Variants in NPAS3 observed in about 807,000 individuals in gnomAD.
The protein encoded by NPAS3 is neuronal PAS domain protein 3.
NPAS3 carries 14 observed loss-of-function variants against 73.1 expected under a neutral mutation model. The ratio of observed to expected loss-of-function variants is 0.19; its 90% CI spans 0.13 to 0.30. NPAS3 has a LOEUF of 0.30. Among genes scored for constraint, NPAS3 ranks in the 10% least tolerant of loss-of-function variants. NPAS3 has a pLI of 1.00. For missense variants in NPAS3, 1,096 were observed against 1,250.0 expected (o/e 0.88, Z 1.86); for synonymous variants, 620 against 541.5 (o/e 1.14, Z -2.01).
intron 3 of NPAS3, among the ~76,000 whole-genome samples, chr14:33,240,773 C>T (rs1455648983): frequency 2.0e-5 from 3 of 151,986 alleles, no homozygotes; most frequent in Non-Finnish European, 2.9e-5. Context: ...TTAAGCACCT[C>T]TTAGGGACTT....
rs138897524 is a variant in NPAS3 at position 33,028,256 on chromosome 14, T to C, written c.51-27649T>C. Among the ~76,000 whole-genome samples, 447 of 152,316 alleles carry C rather than the reference T, an allele frequency of 2.9e-3. 4 individuals are homozygous for C. The highest frequency in any genetic ancestry group is 0.01 in the African/African-American group (422 of 41,580). On this transcript the variant is annotated intron_variant, in intron 1 of 11. Transcript: ENST00000356141. ...AATAACATGTGGATTTGAAAAAACA[T>C]TGAGATCTTTTCTGTATTTCTGCCT...
At chr14:33,755,167 A>G (rs927578434) in intron 7 of NPAS3, among the ~76,000 whole-genome samples, 1 of 152,228 alleles carries the variant, frequency 6.6e-6, no homozygotes. Context: ...TAGAGTTATT[A>G]TGAGGTTAAT....
intron 3 of NPAS3, among the ~76,000 whole-genome samples, chr14:33,300,247 A>G (rs1371112648): frequency 1.3e-5 from 2 of 152,198 alleles, no homozygotes; most frequent in Non-Finnish European, 2.9e-5. Context: ...GAAAGAATTA[A>G]AAATCATGTT....
chr14:33,304,253 A>G (rs373482777), intron 3 of NPAS3, among the ~76,000 whole-genome samples: 1 of 152,324 alleles, frequency 6.6e-6, no homozygotes, highest in South Asian at 2.1e-4. Context: ...GTAATAGTCC[A>G]TGCTTGGTGA....
chr14:33,075,044 T>C (rs966180191), intron 2 of NPAS3, among the ~76,000 whole-genome samples: 9 of 152,230 alleles, frequency 5.9e-5, no homozygotes, highest in African/African-American at 2.2e-4. Flanking sequence ...TTCCATTGTA[T>C]AGAAAGTAGA....
chr14:33,293,028 G>A (rs979246330), intron 3 of NPAS3, among the ~76,000 whole-genome samples: 7 of 152,010 alleles, frequency 4.6e-5, no homozygotes, highest in African/African-American at 7.3e-5. Context: ...TTTTCTTGCC[G>A]CTTGATTCCT....
At chr14:33,186,404 A>T (rs7145270) in intron 2 of NPAS3, among the ~76,000 whole-genome samples, 38,907 of 152,096 alleles carry the variant, frequency 0.26, 5,628 homozygotes, top group South Asian at 0.39. Flanking sequence ...TTTTAAAGTG[A>T]ATCTTTTTGC....
At chr14:33,182,583 T>C (rs2045835363) in intron 2 of NPAS3, among the ~76,000 whole-genome samples, 1 of 152,192 alleles carries the variant, frequency 6.6e-6, no homozygotes, top group African/African-American at 2.4e-5. Context: ...TATAATCACA[T>C]TTATTTTTCT....
chr14:33,675,441 G>GAGTT, intron 5 of NPAS3, among the ~76,000 whole-genome samples: 1 of 152,242 alleles, frequency 6.6e-6, no homozygotes, highest in African/African-American at 2.4e-5. Flanking sequence ...TCTGCCTTTA[G>GAGTT]AGTTAGTTAG....
At chr14:33,667,152 G>C (rs186238486) in intron 5 of NPAS3, among the ~76,000 whole-genome samples, 74 of 152,238 alleles carry the variant, frequency 4.9e-4, no homozygotes, top group Non-Finnish European at 9.7e-4. Flanking sequence ...TTTGTACAAA[G>C]TATTTAAAAC....
At chr14:33,041,853 G>A (rs1006750576) in intron 1 of NPAS3, among the ~76,000 whole-genome samples, 2 of 152,126 alleles carry the variant, frequency 1.3e-5, no homozygotes, top group Non-Finnish European at 2.9e-5. Context: ...GGGAGCAGGT[G>A]GTTAGTTAGG....
At chr14:33,055,773 A>G (rs764263109) in intron 1 of NPAS3, 132 bp from the exon 2 acceptor site, 29 of 565,648 alleles carry the variant, frequency 5.1e-5, no homozygotes, top group Non-Finnish European at 6.9e-5. Flanking sequence ...GTATGTACAC[A>G]TTGCAATTGT....
At chr14:33,026,464 A>G (rs903343375) in intron 1 of NPAS3, among the ~76,000 whole-genome samples, 4 of 151,902 alleles carry the variant, frequency 2.6e-5, no homozygotes, top group African/African-American at 9.7e-5. Flanking sequence ...GTTCATGTGA[A>G]TGGTTTGGGA....
At chr14:33,041,245 T>C (rs2040339175) in intron 1 of NPAS3, among the ~76,000 whole-genome samples, 1 of 152,152 alleles carries the variant, frequency 6.6e-6, no homozygotes, top group Non-Finnish European at 1.5e-5. Flanking sequence ...TAAGGTGCTA[T>C]CTCAGGACAG....
chr14:33,177,858 A>G (rs377030078), intron 2 of NPAS3, among the ~76,000 whole-genome samples: 3 of 152,178 alleles, frequency 2.0e-5, no homozygotes, highest in Non-Finnish European at 2.9e-5. Flanking sequence ...CCATTGGTCT[A>G]TATGTCTATC....
At chr14:33,048,090 C>T (rs1179057657) in intron 1 of NPAS3, among the ~76,000 whole-genome samples, 1 of 152,130 alleles carries the variant, frequency 6.6e-6, no homozygotes, top group Non-Finnish European at 1.5e-5. Flanking sequence ...GTCAGAAGAG[C>T]TGATCTGTAA....
intron 10 of NPAS3, among the ~76,000 whole-genome samples, chr14:33,795,506 C>G (rs933488564): frequency 4.6e-5 from 7 of 152,164 alleles, no homozygotes; most frequent in African/African-American, 1.7e-4. Flanking sequence ...TCTTGTGGCA[C>G]TGACATTCTT....
chr14:33,643,387 A>AC (rs1338487828), intron 5 of NPAS3, among the ~76,000 whole-genome samples: 5 of 146,874 alleles, frequency 3.4e-5, no homozygotes, highest in Non-Finnish European at 7.6e-5. Context: ...AAAAAAAAAA[A>AC]AAAAAAAAAA....
At chr14:32,978,135 T>G (rs1425758325) in intron 1 of NPAS3, among the ~76,000 whole-genome samples, 1 of 152,188 alleles carries the variant, frequency 6.6e-6, no homozygotes, top group African/African-American at 2.4e-5. Context: ...AAACTTGCCT[T>G]CAGTCACTCA....
Sources: allele counts gnomAD v4.1 joint callset (sites outside exome capture counted in the v4.1 genomes callset), GRCh38; gene constraint gnomAD v4.1.1; transcripts MANE v1.5; gene names NCBI Gene and HGNC (gene_info 2026-07-23, HGNC 2026-07-21).